The following TASP1 variants were observed in gnomAD, a reference collection of about 807,000 sequenced individuals.
The protein encoded by TASP1 is threonine aspartase 1.
A neutral mutation model predicts 56.6 loss-of-function variants in TASP1; 16 were observed. The observed-to-expected ratio is 0.28, with a 90% CI of 0.19 to 0.43. The LOEUF (loss-of-function observed/expected upper bound fraction) is 0.43, where lower values mean the gene tolerates loss of function less well. Among genes scored for constraint, TASP1 ranks in the 20% least tolerant of loss-of-function variants. TASP1 has a pLI of 1.00. For missense variants in TASP1, 393 were observed against 511.6 expected (o/e 0.77, Z 2.24); for synonymous variants, 179 against 184.2 (o/e 0.97, Z 0.23).
chr20:13,409,198 A>G (rs2042016948), intron 13 of TASP1, among the ~76,000 whole-genome samples: 2 of 152,142 alleles, frequency 1.3e-5, no homozygotes, highest in South Asian at 4.1e-4. Context: ...ACTCCTTATG[A>G]ACTTGAAAAT....
intron 10 of TASP1, among the ~76,000 whole-genome samples, chr20:13,503,930 A>G (rs914227062): frequency 6.6e-6 from 1 of 152,004 alleles, no homozygotes; most frequent in Non-Finnish European, 1.5e-5. Context: ...TCCATCAGAG[A>G]AGAAAAAAAA....
the TASP1 span, among the ~76,000 whole-genome samples, chr20:13,242,561 A>G: frequency 6.6e-6 from 1 of 152,196 alleles, no homozygotes; most frequent in African/African-American, 2.4e-5. Context: ...AGTCCAATTA[A>G]GTGTTCAGAG....
At chr20:13,299,697 C>T in the TASP1 span, 2 of 433,196 alleles carry the variant, frequency 4.6e-6, no homozygotes. The surrounding 1 kb of genome is among the most constrained non-coding windows in gnomAD (Gnocchi z 5.8). Context: ...GCGATGTGGG[C>T]AGAAGGATGG....
At chr20:13,401,821 T>C (rs1051710402) in intron 13 of TASP1, among the ~76,000 whole-genome samples, 1 of 152,202 alleles carries the variant, frequency 6.6e-6, no homozygotes, top group African/African-American at 2.4e-5. Context: ...TGGTTATATG[T>C]CCTGTGAGCA....
the TASP1 span, among the ~76,000 whole-genome samples, chr20:13,284,908 C>T: frequency 5.4e-3 from 827 of 152,318 alleles, 8 homozygotes; most frequent in African/African-American, 0.019. Flanking sequence ...TCCTTGATGG[C>T]TTCAGAGTCT....
chr20:13,564,794 A>G (rs111575845), intron 7 of TASP1, among the ~76,000 whole-genome samples: 4,499 of 152,034 alleles, frequency 0.03, 85 homozygotes, highest in Middle Eastern at 0.051. Context: ...TGAAGTCAGG[A>G]GTTCAAAACC....
At chr20:13,200,618 C>A in the TASP1 span, among the ~76,000 whole-genome samples, 1 of 152,156 alleles carries the variant, frequency 6.6e-6, no homozygotes, top group African/African-American at 2.4e-5. Context: ...ATCCACTTGA[C>A]TTAATTTATC....
At chr20:13,470,000 G>T (rs555509685) in intron 11 of TASP1, among the ~76,000 whole-genome samples, 33 of 151,054 alleles carry the variant, frequency 2.2e-4, no homozygotes, top group Admixed American at 5.9e-4. Flanking sequence ...GTAGAGACGG[G>T]GTTTTCCCAT....
At chr20:13,309,787 T>A in the TASP1 span, among the ~76,000 whole-genome samples, 300 of 152,082 alleles carry the variant, frequency 2.0e-3, 3 homozygotes, top group African/African-American at 6.7e-3. Context: ...ATCAGCAATG[T>A]TTCTATAAGC....
intron 11 of TASP1, among the ~76,000 whole-genome samples, chr20:13,459,725 C>T (rs1600861887): frequency 1.3e-5 from 2 of 152,078 alleles, no homozygotes; most frequent in South Asian, 4.1e-4. Flanking sequence ...GCAGAAAGAA[C>T]TTTCATCAGC....
chr20:13,312,630 C>T, the TASP1 span, among the ~76,000 whole-genome samples: 1 of 152,190 alleles, frequency 6.6e-6, no homozygotes, highest in Non-Finnish European at 1.5e-5. Flanking sequence ...TGCTCTCCTG[C>T]CTCTGGGGCC....
chr20:13,300,952 T>G, the TASP1 span, among the ~76,000 whole-genome samples: 1 of 152,240 alleles, frequency 6.6e-6, no homozygotes, highest in Non-Finnish European at 1.5e-5. Flanking sequence ...CAGAAAATTC[T>G]GCAATTACAA....
chr20:13,404,487 T>C (rs2041846802), intron 13 of TASP1, among the ~76,000 whole-genome samples: 1 of 152,114 alleles, frequency 6.6e-6, no homozygotes, highest in African/African-American at 2.4e-5. Context: ...GTACCTATAG[T>C]CTTAGCTACT....
intron 4 of TASP1, among the ~76,000 whole-genome samples, chr20:13,601,496 A>T (rs186238464): frequency 0.011 from 1,612 of 152,350 alleles, 20 homozygotes; most frequent in Non-Finnish European, 0.017. Context: ...AATATCCATG[A>T]GTCCATACTG....
At chr20:13,264,703 G>A in the TASP1 span, among the ~76,000 whole-genome samples, 2 of 152,232 alleles carry the variant, frequency 1.3e-5, no homozygotes. Context: ...AGTGGCTGGA[G>A]GCAGTGATTG....
the TASP1 span, among the ~76,000 whole-genome samples, chr20:13,174,466 G>A: frequency 1.3e-5 from 2 of 152,176 alleles, no homozygotes; most frequent in East Asian, 1.9e-4. Flanking sequence ...GGGAGGCTGA[G>A]GTGGATAGAT....
At chr20:13,638,073 T>C (rs1307919457) in intron 1 of TASP1, among the ~76,000 whole-genome samples, 1 of 152,230 alleles carries the variant, frequency 6.6e-6, no homozygotes, top group Non-Finnish European at 1.5e-5. Flanking sequence ...GGCAGAACTA[T>C]AGGTGATCTC....
At chr20:13,219,434 G>A in the TASP1 span, among the ~76,000 whole-genome samples, 2 of 151,800 alleles carry the variant, frequency 1.3e-5, no homozygotes, top group Admixed American at 6.6e-5. Context: ...GACGGTTATT[G>A]TTTCGCGTTT....
chr20:13,131,686 T>C, the TASP1 span, among the ~76,000 whole-genome samples: 1 of 152,174 alleles, frequency 6.6e-6, no homozygotes, highest in Non-Finnish European at 1.5e-5. Flanking sequence ...CTCTATCACC[T>C]CTCACCTGGA....
Sources: allele counts gnomAD v4.1 joint callset (sites outside exome capture counted in the v4.1 genomes callset), GRCh38; gene constraint gnomAD v4.1.1; non-coding constraint Gnocchi (gnomAD v3.1); transcripts MANE v1.5; gene names NCBI Gene and HGNC (gene_info 2026-07-23, HGNC 2026-07-21).